AEBP1: variants seen among roughly 807,000 people sequenced by gnomAD.
AEBP1 encodes the protein adipocyte enhancer-binding protein 1.
AEBP1 carries 69 observed loss-of-function variants against 116.5 expected under a neutral mutation model. That is an observed-to-expected ratio of 0.59 (90% CI 0.49 to 0.72). The LOEUF (loss-of-function observed/expected upper bound fraction) is 0.72, where lower values mean the gene tolerates loss of function less well. Ranked by LOEUF, AEBP1 falls within the 30% of genes least tolerant of loss-of-function variation. The pLI is 0.00. For missense variants in AEBP1, 1,444 were observed against 1,557.5 expected (o/e 0.93, Z 1.23); for synonymous variants, 627 against 627.3 (o/e 1.00, Z 0.01).
rs886862831 is a variant in AEBP1 at position 44,106,754 on chromosome 7, A to C, written c.462A>C (p.Lys154Asn). 1 of 1,610,228 alleles carries C rather than the reference A, an allele frequency of 6.2e-7. No homozygotes were observed. ...EKPPKATKKP[K>N]EKPPKATKKP... ...CACCCAAGGCCACCAAGAAGCCCAAAGAGAAGCCACCCAAGGCCACCAAGA... is the reference window on the plus strand; with the variant it reads ...CACCCAAGGCCACCAAGAAGCCCAACGAGAAGCCACCCAAGGCCACCAAGA... Residue 154 changes from lysine (K) to asparagine (N), a missense_variant, in exon 2 of 21, where the codon AAA (lysine) becomes AAC (asparagine). Lys to Asn is a moderately conservative substitution (Grantham distance 94). Transcript: ENST00000223357.
rs1484438051 is a variant in AEBP1 at position 44,112,406 on chromosome 7, C to T, written c.2217+85C>T. On this transcript the variant is annotated intron_variant, in intron 17 of 20. Coordinates refer to ENST00000223357, the MANE Select transcript of AEBP1 (RefSeq NM_001129.5). The surrounding 1 kb of genome is among the most constrained non-coding windows in gnomAD (Gnocchi z 6.6). Reference sequence around the variant, plus strand: ...GTTCTGGGCTTGGGGGTGGGGCTGACGGTGCCTGAACTCCAGACGCTGAGG... The same window carrying T: ...GTTCTGGGCTTGGGGGTGGGGCTGATGGTGCCTGAACTCCAGACGCTGAGG... 11 of 1,460,294 alleles carry T rather than the reference C, an allele frequency of 7.5e-6. No individual in the cohort carries two copies. Among genetic ancestry groups the T allele is most frequent in the Admixed American group, 2.4e-5 (1 of 41,736 alleles). 90.5% of individuals were successfully genotyped at this position (1,460,294 alleles called of 1,614,324 possible). A position where few individuals can be genotyped will look rare whatever the true frequency, so the allele number is the denominator to read the frequency against.
chr7:44,109,403 G>A, intron 9 of AEBP1, 62 bp downstream of exon 9: 1 of 1,458,288 alleles, frequency 6.9e-7, no homozygotes, highest in Non-Finnish European at 9.1e-7. Flanking sequence ...TGGGACAAGT[G>A]ACTGGCCCAA....
At position 44,111,415 on chromosome 7, in the gene AEBP1, C is replaced by A; in HGVS notation, c.1717-92C>A. The A allele has an allele frequency of 1.4e-6, 2 of 1,478,986 alleles. No homozygotes were observed. Among genetic ancestry groups the A allele is most frequent in the Non-Finnish European group, 1.8e-6 (2 of 1,112,178 alleles). 91.6% of individuals were successfully genotyped at this position (1,478,986 alleles called of 1,614,324 possible). On this transcript the variant is annotated intron_variant, in intron 14 of 20. Coordinates refer to ENST00000223357, the MANE Select transcript of AEBP1 (RefSeq NM_001129.5). The surrounding 1 kb of genome is among the most constrained non-coding windows in gnomAD (Gnocchi z 4.7). ...CTGCGTGAAGGGGTCATGCCCGTCC[C>A]TCGCCATAGAGCAGGCCCTGGAAGT...
rs757595699 is a variant in AEBP1, at chr7:44,112,126, T to C, written c.2038-16T>C. The stretch of plus-strand genomic sequence containing the variant: ...GGGTGTGGGTAGCCGATGCCTACCC[T>C]GCTGGCTCCCCACAGGGCTCAGAGT... On this transcript the variant is annotated splice_polypyrimidine_tract_variant and intron_variant, in intron 16 of 20. Transcript: ENST00000223357. This position sits in a 1 kb window ranked among gnomAD's most constrained non-coding sequence, Gnocchi z 6.6. 8 of 1,596,818 alleles carry C rather than the reference T, an allele frequency of 5.0e-6. No homozygotes were observed. In the East Asian group the frequency reaches 1.6e-4, roughly 31 times the overall value.
Position 44,114,414 on chromosome 7 carries a change from G to C in AEBP1, c.*153G>C. ...GCTGGTCCTGCCCCTTTGAGGGGGT[G>C]CAAACATGACTGGGACCTAAGAGCC... is the stretch of plus-strand genomic sequence containing the variant. On this transcript the variant is annotated 3_prime_UTR_variant, in exon 21 of 21. Coordinates refer to ENST00000223357, the MANE Select transcript of AEBP1 (RefSeq NM_001129.5). The C allele has an allele frequency of 1.2e-6, 1 of 856,284 alleles. No homozygotes were observed. Among genetic ancestry groups the C allele is most frequent in the Non-Finnish European group, 1.8e-6 (1 of 562,162 alleles). The allele number at this position is 856,284 out of a possible 1,614,324, so 53.0% of individuals were successfully genotyped here.
chr7:44,111,013 G>A lies in AEBP1; in HGVS notation c.1586G>A (p.Gly529Asp), dbSNP rs2096228774. The change falls in exon 13 of 21, where the codon GGC becomes GAC. Residue 529 changes from glycine (G) to aspartate (D), a missense_variant. Transcript: ENST00000223357. The surrounding 1 kb of genome is among the most constrained non-coding windows in gnomAD (Gnocchi z 4.7). ...FIRIYPLTWNGSLCMRLEVLG... is the reference protein window; with the variant it reads ...FIRIYPLTWNDSLCMRLEVLG... ...CGCATCTACCCACTCACCTGGAATG[G>A]CAGCCTGTGCATGCGCCTGGAGGTG... 1 of 1,613,846 alleles carries A rather than the reference G, an allele frequency of 6.2e-7. No individual in the cohort carries two copies. Among genetic ancestry groups the A allele is most frequent in the Non-Finnish European group, 8.5e-7 (1 of 1,179,900 alleles).
chr7:44,114,393 G>A lies in AEBP1; in HGVS notation c.*132G>A, dbSNP rs2096234551. 5 of 1,052,186 alleles carry A rather than the reference G, an allele frequency of 4.8e-6. No homozygotes were observed. The South Asian group carries it at 7.8e-5, about 16-fold the overall frequency. The allele number at this position is 1,052,186 out of a possible 1,614,324, so 65.2% of individuals were successfully genotyped here. ...GTATGGACACTGAAAGGAAGGGCTGGTCCTGCCCCTTTGAGGGGGTGCAAA... is the reference window on the plus strand; with the variant it reads ...GTATGGACACTGAAAGGAAGGGCTGATCCTGCCCCTTTGAGGGGGTGCAAA... On this transcript the variant is annotated 3_prime_UTR_variant, in exon 21 of 21. Coordinates refer to ENST00000223357, the MANE Select transcript of AEBP1 (RefSeq NM_001129.5).
Position 44,111,474 on chromosome 7 carries a change from TG to T in AEBP1, c.1717-32del. 2 of 1,553,702 alleles carry T rather than the reference TG, an allele frequency of 1.3e-6. No individual in the cohort carries two copies. Among genetic ancestry groups the T allele is most frequent in the Non-Finnish European group, 1.7e-6 (2 of 1,149,574 alleles). ...CATGGTCAGCGGGGGACGGATTGCATGATTGATTCCACGTCCTCCCCCTCTG... is the reference window on the plus strand; with the variant it reads ...CATGGTCAGCGGGGGACGGATTGCATATTGATTCCACGTCCTCCCCCTCTG... On this transcript the variant is annotated intron_variant, in intron 14 of 20. Transcript: ENST00000223357. This position sits in a 1 kb window ranked among gnomAD's most constrained non-coding sequence, Gnocchi z 4.7.
rs1238174815 is a variant in AEBP1, at chr7:44,111,430, G to A, written c.1717-77G>A. The A allele has an allele frequency of 6.6e-7, 1 of 1,503,832 alleles. No individual in the cohort carries two copies. Among genetic ancestry groups the A allele is most frequent in the South Asian group, 1.3e-5 (1 of 74,938 alleles). The allele number at this position is 1,503,832 out of a possible 1,614,324, so 93.2% of individuals were successfully genotyped here. On this transcript the variant is annotated intron_variant, in intron 14 of 20. Transcript: ENST00000223357. This position sits in a 1 kb window ranked among gnomAD's most constrained non-coding sequence, Gnocchi z 4.7. Reference sequence around the variant, plus strand: ...ATGCCCGTCCCTCGCCATAGAGCAGGCCCTGGAAGTGGAAGGGGCATGGTC... The same window carrying A: ...ATGCCCGTCCCTCGCCATAGAGCAGACCCTGGAAGTGGAAGGGGCATGGTC...
intron 9 of AEBP1, chr7:44,109,583 G>A: frequency 1.7e-6 from 1 of 593,948 alleles, no homozygotes; most frequent in Non-Finnish European, 3.0e-6. Flanking sequence ...CTAGTGGCTG[G>A]GCGTGGTAGG....
Position 44,111,063 on chromosome 7 carries a change from T to C in AEBP1, c.1630+6T>C. 1 of 1,604,228 alleles carries C rather than the reference T, an allele frequency of 6.2e-7. No individual in the cohort carries two copies. Among genetic ancestry groups the C allele is most frequent in the Non-Finnish European group, 8.5e-7 (1 of 1,173,682 alleles). On this transcript the variant is annotated splice_donor_region_variant and intron_variant, in intron 13 of 20. Coordinates refer to ENST00000223357, the MANE Select transcript of AEBP1 (RefSeq NM_001129.5). This position sits in a 1 kb window ranked among gnomAD's most constrained non-coding sequence, Gnocchi z 4.7. ...GCTGGGGTGCTCTGTGGCCCGTGAG[T>C]GTGGAGGGCTGGCAGGGGCTCTGAG...
Position 44,108,809 on chromosome 7 carries a change from C to A in AEBP1, c.941-90C>A. On this transcript the variant is annotated intron_variant, in intron 6 of 20. Transcript: ENST00000223357. The surrounding 1 kb of genome is among the most constrained non-coding windows in gnomAD (Gnocchi z 5.0). ...TCTCCCGTCCTCCTCCCCTCTGGCG[C>A]GGTCCTGTCCTGCTGAGCTCCTGTG... is the stretch of plus-strand genomic sequence containing the variant. 1.7e-6 allele frequency: 2 copies of A among 1,206,986 alleles called. No homozygotes were observed. The highest frequency in any genetic ancestry group is 2.7e-5 in the South Asian group (2 of 74,836). The allele number at this position is 1,206,986 out of a possible 1,614,324, so 74.8% of individuals were successfully genotyped here.
Position 44,113,611 on chromosome 7 carries a change from T to C in AEBP1, c.2827T>C (p.Trp943Arg), listed in dbSNP as rs2096232632. The change falls in exon 21 of 21, where the codon TGG (tryptophan) becomes CGG (arginine). Residue 943 changes from tryptophan to arginine, a missense_variant. By Grantham distance (101) the Trp-to-Arg change is moderately radical. Transcript: ENST00000223357. The surrounding 1 kb of genome is among the most constrained non-coding windows in gnomAD (Gnocchi z 5.3). ...GVKTASGGDYWRILNPGEYRV... is the reference protein window; with the variant it reads ...GVKTASGGDYRRILNPGEYRV... ...CTCCGCAGCCAGTGGTGGTGATTACTGGCGAATCTTGAACCCGGGTGAGTA... is the reference window on the plus strand; with the variant it reads ...CTCCGCAGCCAGTGGTGGTGATTACCGGCGAATCTTGAACCCGGGTGAGTA... 3 of 1,612,052 alleles carry C rather than the reference T, an allele frequency of 1.9e-6. No individual in the cohort carries two copies. In the South Asian group the frequency reaches 3.3e-5, roughly 18 times the overall value.
Position 44,114,140 on chromosome 7 carries a change from C to A in AEBP1, c.3356C>A (p.Thr1119Asn). Residue 1119 changes from threonine to asparagine, a missense_variant, in exon 21 of 21, where the codon ACC (threonine) becomes AAC (asparagine). By Grantham distance (65) the Thr-to-Asn change is moderately conservative. Coordinates refer to ENST00000223357, the MANE Select transcript of AEBP1 (RefSeq NM_001129.5). The stretch of plus-strand genomic sequence containing the variant: ...ACCCAGTTGGAGCCTGAGTTTGAGA[C>A]CCAGCTGGAACCCGAGTTTGAGGAA... ...FETQLEPEFE[T>N]QLEPEFEEEE... 6.2e-7 allele frequency: 1 copy of A among 1,613,990 alleles called. No individual in the cohort carries two copies. The highest frequency in any genetic ancestry group is 1.7e-5 in the Admixed American group (1 of 60,008).
chr7:44,112,639 C>G lies in AEBP1; in HGVS notation c.2299C>G (p.Arg767Gly). ...GGGAGCAAATCTGAACGGCGGCGAG[C>G]GGCTAGTATCCTACCCCTACGATAT... ...VLGANLNGGERLVSYPYDMAR... is the reference protein window; with the variant it reads ...VLGANLNGGEGLVSYPYDMAR... The change falls in exon 18 of 21, where the codon CGG (arginine) becomes GGG (glycine). Residue 767 changes from arginine to glycine, a missense_variant. Physicochemically the swap from Arg to Gly is moderately radical, Grantham distance 125. Transcript: ENST00000223357. The surrounding 1 kb of genome is among the most constrained non-coding windows in gnomAD (Gnocchi z 6.6). 1.2e-6 allele frequency: 2 copies of G among 1,611,330 alleles called. No homozygotes were observed. The highest frequency in any genetic ancestry group is 1.7e-6 in the Non-Finnish European group (2 of 1,178,406).
In AEBP1 at chr7:44,110,933, CAA is replaced by C; in HGVS notation, c.1507_1508del (p.Lys503GlyfsTer7). 1 of 1,614,012 alleles carries C rather than the reference CAA, an allele frequency of 6.2e-7. No homozygotes were observed. The highest frequency in any genetic ancestry group is 2.2e-5 in the East Asian group (1 of 44,886). The stretch of plus-strand genomic sequence containing the variant: ...CCCAGACCTTTCATGGGAACGTGGA[CAA>C]GGACACACCCGTGCTGAGTGAGCTC... The part of the protein sequence containing the change: ...EEMTFHGNVD[K>X]DTPVLSELPE... On this transcript the variant is annotated frameshift_variant, in exon 13 of 21. Transcript: ENST00000223357. LOFTEE classifies it high-confidence loss of function.
Position 44,113,178 on chromosome 7 carries a change from CTGGATGGGCGGGAGGGA to C in AEBP1, c.2709+49_2710-57del. On this transcript the variant is annotated intron_variant, in intron 19 of 20. Transcript: ENST00000223357. This position sits in a 1 kb window ranked among gnomAD's most constrained non-coding sequence, Gnocchi z 5.3. Reference sequence around the variant, plus strand: ...TGGGGAGAGGAGGCTGCACAGGCTCCTGGATGGGCGGGAGGGAGCAGCGGACCACATTGGACCTTCCT... The same window carrying C: ...TGGGGAGAGGAGGCTGCACAGGCTCCGCAGCGGACCACATTGGACCTTCCT... The C allele has an allele frequency of 6.2e-7, 1 of 1,613,284 alleles. No homozygotes were observed.
Position 44,114,359 on chromosome 7 carries a change from AG to A in AEBP1, c.*100del, listed in dbSNP as rs1316003469. 7 of 1,365,856 alleles carry A rather than the reference AG, an allele frequency of 5.1e-6. No homozygotes were observed. The African/African-American group carries it at 8.6e-5, about 17-fold the overall frequency. The allele number at this position is 1,365,856 out of a possible 1,614,324, so 84.6% of individuals were successfully genotyped here. On this transcript the variant is annotated 3_prime_UTR_variant, in exon 21 of 21. Transcript: ENST00000223357. ...GTCACATCACCCATCAGCACATGGA[AG>A]GCCCCTGGTATGGACACTGAAAGGA...
At position 44,112,614 on chromosome 7, in the gene AEBP1, G is replaced by A. The variant is rs1413534774; in HGVS notation, c.2274G>A (p.Leu758=). The part of the protein sequence containing the change: ...IAWMEKNPFV[L]GANLNGGERL... ...GGATGGAGAAGAACCCCTTCGTGCT[G>A]GGAGCAAATCTGAACGGCGGCGAGC... The change falls in exon 18 of 21, where the codon CTG becomes CTA. Residue 758 remains leucine, a synonymous_variant. Coordinates refer to ENST00000223357, the MANE Select transcript of AEBP1 (RefSeq NM_001129.5). This position sits in a 1 kb window ranked among gnomAD's most constrained non-coding sequence, Gnocchi z 6.6. 7 of 1,608,648 alleles carry A rather than the reference G, an allele frequency of 4.4e-6. No individual in the cohort carries two copies. In the Admixed American group the frequency reaches 1.0e-4, roughly 23 times the overall value.
Sources: gnomAD v4.1 joint callset for allele counts on GRCh38, gnomAD v4.1.1 for gene constraint, Gnocchi (gnomAD v3.1) non-coding constraint, MANE v1.5 for transcripts, NCBI Gene and HGNC (gene_info 2026-07-23, HGNC 2026-07-21) for gene names.